The following FAM53A variants were observed in gnomAD, a reference collection of about 807,000 sequenced individuals.
FAM53A encodes protein FAM53A.
FAM53A carries 28 observed loss-of-function variants against 26.6 expected under a neutral mutation model. That is an observed-to-expected ratio of 1.05 (90% CI 0.78 to 1.45). The LOEUF is 1.45. FAM53A is among the 40% of genes most tolerant of loss of function. The probability of loss-of-function intolerance (pLI) is 0.00; values close to 1 mark genes in which losing one functional copy is unlikely to be tolerated. For synonymous variants in FAM53A, 290 were observed against 253.1 expected (o/e 1.15, Z -1.38); for missense variants, 650 against 575.8 (o/e 1.13, Z -1.32).
At chr4:1,627,973 G>A (rs1462553278) in intron 1 of FAM53A, among the ~76,000 whole-genome samples, 1 of 147,692 alleles carries the variant, frequency 6.8e-6, no homozygotes, top group South Asian at 2.2e-4. Flanking sequence ...ATCCAGTGAT[G>A]AGGCTGAGAG....
intron 2 of FAM53A, among the ~76,000 whole-genome samples, chr4:1,664,135 T>C (rs1714055082): frequency 6.6e-6 from 1 of 152,250 alleles, no homozygotes; most frequent in Non-Finnish European, 1.5e-5. Context: ...TTGGAGAAGT[T>C]TGAATGCTGA....
the FAM53A span, among the ~76,000 whole-genome samples, chr4:1,602,394 T>C: frequency 6.6e-6 from 1 of 152,212 alleles, no homozygotes; most frequent in Non-Finnish European, 1.5e-5. Context: ...GGCGACAGGC[T>C]GGGGTCTCTG....
chr4:1,649,037 T>C (rs138527849), intron 4 of FAM53A, among the ~76,000 whole-genome samples: 2,057 of 151,726 alleles, frequency 0.014, 22 homozygotes, highest in Non-Finnish European at 0.019. Context: ...CTCTGGAATC[T>C]GGGAGGCAGA....
At chr4:1,622,034 C>T (rs1046170610) in intron 1 of FAM53A, among the ~76,000 whole-genome samples, 1 of 152,188 alleles carries the variant, frequency 6.6e-6, no homozygotes, top group African/African-American at 2.4e-5. Flanking sequence ...TCTGCTCTCT[C>T]GCCTTCCTCC....
At chr4:1,648,390 T>C (rs1577111989) in intron 4 of FAM53A, among the ~76,000 whole-genome samples, 1 of 151,300 alleles carries the variant, frequency 6.6e-6, no homozygotes, top group Admixed American at 6.6e-5. Flanking sequence ...CAGAGAAAGG[T>C]GGGAGCCAGT....
Position 1,626,098 on chromosome 4 carries a change from T to C in FAM53A, c.432-7987A>G, listed in dbSNP as rs1384434984. Among the ~76,000 whole-genome samples, 3 of 152,210 alleles carry C rather than the reference T, an allele frequency of 2.0e-5. No individual in the cohort carries two copies. The East Asian group carries it at 5.8e-4, about 29-fold the overall frequency. On this transcript the variant is annotated intron_variant, in intron 1 of 1. Coordinates refer to the FAM53A transcript ENST00000489029. ...GTGGTGTGAGCCCCTGCCGTCCTTC[T>C]GGGCCTTGTTCCTGTCTCCATCTGG...
At chr4:1,657,285 C>T in intron 3 of FAM53A, 123 bp downstream of exon 3, 1 of 863,888 alleles carries the variant, frequency 1.2e-6, no homozygotes, top group South Asian at 1.5e-5. Context: ...CAGTGCAGGG[C>T]ACACGAACAC....
intron 1 of FAM53A, among the ~76,000 whole-genome samples, chr4:1,633,139 CAT>C (rs1491047316): frequency 6.6e-6 from 1 of 151,448 alleles, no homozygotes; most frequent in Non-Finnish European, 1.5e-5. Flanking sequence ...TGCTCACACA[CAT>C]AGGTACACGT....
At chr4:1,673,075 G>A (rs1714794842) in intron 1 of FAM53A, among the ~76,000 whole-genome samples, 1 of 152,122 alleles carries the variant, frequency 6.6e-6, no homozygotes, top group Non-Finnish European at 1.5e-5. Context: ...GCCTGGCCTG[G>A]AACCTGATTA....
chr4:1,645,909 A>C (rs1712199910), intron 4 of FAM53A, among the ~76,000 whole-genome samples: 1 of 152,214 alleles, frequency 6.6e-6, no homozygotes, highest in Non-Finnish European at 1.5e-5. Context: ...GGAGTTGATC[A>C]GGTCCTGCGG....
intron 4 of FAM53A, chr4:1,644,268 C>G (rs928417031): frequency 6.5e-7 from 1 of 1,536,024 alleles, no homozygotes; most frequent in Non-Finnish European, 8.7e-7. Flanking sequence ...ACTGACTGCT[C>G]GGACCCGACA....
chr4:1,597,242 C>A, the FAM53A span, among the ~76,000 whole-genome samples: 1 of 152,062 alleles, frequency 6.6e-6, no homozygotes, highest in Non-Finnish European at 1.5e-5. Flanking sequence ...ATCAGGGGTC[C>A]CCCTCGAGGG....
rs796236932 is a variant in FAM53A, at chr4:1,651,223, G to GAA, written c.882+3753_882+3754dup. Among the ~76,000 whole-genome samples, 126 of 109,744 alleles carry GAA rather than the reference G, an allele frequency of 1.1e-3. 1 individual carries two copies. The South Asian group carries it at 0.018, about 16-fold the overall frequency. The allele number at this position is 109,744 out of a possible 152,430, so 72.0% of individuals were successfully genotyped here. ...CTGGGACAGAGCGAGACTCCATCTC[G>GAA]AAAAAAAAAAAAAAAAATTAAGAGA... is the stretch of plus-strand genomic sequence containing the variant. On this transcript the variant is annotated intron_variant, in intron 4 of 4. Transcript: ENST00000308132.
At chr4:1,648,317 G>A (rs531936645) in intron 4 of FAM53A, among the ~76,000 whole-genome samples, 4 of 152,342 alleles carry the variant, frequency 2.6e-5, no homozygotes, top group African/African-American at 9.6e-5. Context: ...AGGGGTAGGT[G>A]GGTGTGGGTG....
intron 1 of FAM53A, among the ~76,000 whole-genome samples, chr4:1,672,559 G>A (rs1176165852): frequency 2.0e-5 from 3 of 152,162 alleles, no homozygotes; most frequent in Non-Finnish European, 4.4e-5. Flanking sequence ...ATGCATCCAT[G>A]ATGCTGGACC....
At chr4:1,589,511 G>A in the FAM53A span, among the ~76,000 whole-genome samples, 3 of 152,102 alleles carry the variant, frequency 2.0e-5, no homozygotes, top group South Asian at 4.1e-4. Flanking sequence ...GAGTTTGCAT[G>A]AGAAATAATT....
chr4:1,624,867 G>A (rs973423725), intron 1 of FAM53A, among the ~76,000 whole-genome samples: 13 of 152,024 alleles, frequency 8.6e-5, no homozygotes, highest in African/African-American at 2.9e-4. Context: ...CCTATGTCCC[G>A]GCCCACGTGG....
intron 2 of FAM53A, among the ~76,000 whole-genome samples, chr4:1,666,451 G>T (rs114670395): frequency 1.3e-5 from 2 of 152,080 alleles, no homozygotes; most frequent in African/African-American, 4.8e-5. Flanking sequence ...AAAAAAAGAG[G>T]TGAAGAGTGG....
At chr4:1,621,927 T>C (rs1000182795) in intron 1 of FAM53A, among the ~76,000 whole-genome samples, 1 of 152,154 alleles carries the variant, frequency 6.6e-6, no homozygotes, top group African/African-American at 2.4e-5. Flanking sequence ...TGGGACCTGA[T>C]GGGAAGTGTT....
Sources: gnomAD v4.1 joint callset for allele counts (sites outside exome capture counted in the v4.1 genomes callset) on GRCh38, gnomAD v4.1.1 for gene constraint, MANE v1.5 for transcripts, NCBI Gene and HGNC (gene_info 2026-07-23, HGNC 2026-07-21) for gene names.